Variants in DPP10 observed in about 807,000 individuals in gnomAD.
DPP10 encodes the protein dipeptidyl peptidase like 10.
DPP10 carries 33 observed loss-of-function variants against 120.9 expected under a neutral mutation model. The observed-to-expected ratio is 0.27, with a 90% confidence interval of 0.21 to 0.37. DPP10 has a LOEUF of 0.37. DPP10 is among the 10% of genes least tolerant of loss of function. The pLI, the probability that DPP10 is intolerant of heterozygous loss-of-function variation, is 1.00. For synonymous variants in DPP10, 337 were observed against 326.1 expected (o/e 1.03, Z -0.36); for missense variants, 816 against 942.8 (o/e 0.87, Z 1.76).
chr2:114,454,833 T>C (rs1462881392), intron 1 of DPP10, among the ~76,000 whole-genome samples: 1 of 152,150 alleles, frequency 6.6e-6, no homozygotes, highest in African/African-American at 2.4e-5. Context: ...CTACCCTGTC[T>C]ACCTTCCACT....
chr2:114,917,199 A>C (rs1449008394), intron 1 of DPP10, among the ~76,000 whole-genome samples: 1 of 152,184 alleles, frequency 6.6e-6, no homozygotes, highest in Non-Finnish European at 1.5e-5. Flanking sequence ...AGCCAAATTA[A>C]GAACCCAATC....
chr2:115,117,070 T>C (rs1179853137), intron 1 of DPP10, among the ~76,000 whole-genome samples: 1 of 152,220 alleles, frequency 6.6e-6, no homozygotes, highest in Non-Finnish European at 1.5e-5. Flanking sequence ...ATGAGCTAGA[T>C]GACAAAGTTC....
intron 1 of DPP10, among the ~76,000 whole-genome samples, chr2:114,760,051 G>C (rs1239865126): frequency 1.3e-5 from 2 of 152,156 alleles, no homozygotes; most frequent in Admixed American, 1.3e-4. Context: ...ACCCTAATCT[G>C]AGCTATCATA....
intron 3 of DPP10, among the ~76,000 whole-genome samples, chr2:115,408,400 G>A (rs2068691338): frequency 6.6e-6 from 1 of 152,124 alleles, no homozygotes; most frequent in Admixed American, 6.5e-5. Flanking sequence ...CCTTCAGGCT[G>A]TTTTAGTCTT....
At chr2:114,910,751 A>G (rs1338465710) in intron 1 of DPP10, among the ~76,000 whole-genome samples, 1 of 152,100 alleles carries the variant, frequency 6.6e-6, no homozygotes, top group African/African-American at 2.4e-5. Flanking sequence ...CCACATATCT[A>G]TCCTTTAAAA....
At chr2:114,515,706 C>A (rs982807665) in intron 1 of DPP10, among the ~76,000 whole-genome samples, 1 of 151,646 alleles carries the variant, frequency 6.6e-6, no homozygotes, top group African/African-American at 2.4e-5. Flanking sequence ...AAATGGCTCT[C>A]CTCTTCTTCT....
intron 1 of DPP10, among the ~76,000 whole-genome samples, chr2:114,924,054 T>C (rs1351861383): frequency 2.6e-5 from 4 of 152,116 alleles, no homozygotes; most frequent in Non-Finnish European, 5.9e-5. Flanking sequence ...TGAAAATAAA[T>C]ATAAGCATTG....
At chr2:115,825,124 G>C (rs1038334904) in intron 21 of DPP10, among the ~76,000 whole-genome samples, 1 of 152,140 alleles carries the variant, frequency 6.6e-6, no homozygotes, top group Non-Finnish European at 1.5e-5. Context: ...TGCATTTACT[G>C]TTATTTACTT....
intron 1 of DPP10, among the ~76,000 whole-genome samples, chr2:114,655,903 T>C (rs1558972668): frequency 6.6e-6 from 1 of 152,158 alleles, no homozygotes; most frequent in Non-Finnish European, 1.5e-5. Flanking sequence ...GACCTAATTC[T>C]GTCAAAGAGA....
intron 1 of DPP10, among the ~76,000 whole-genome samples, chr2:114,501,683 T>C (rs1206025451): frequency 3.9e-5 from 6 of 152,124 alleles, no homozygotes; most frequent in Admixed American, 3.9e-4. Flanking sequence ...CTACATTACA[T>C]CTTGGGGCAC....
chr2:115,794,234 T>C (rs1467864778), intron 19 of DPP10, among the ~76,000 whole-genome samples: 1 of 152,212 alleles, frequency 6.6e-6, no homozygotes, highest in Non-Finnish European at 1.5e-5. Flanking sequence ...ATATGAGCCA[T>C]TTCTTGATCT....
chr2:114,655,981 G>A (rs868222193), intron 1 of DPP10, among the ~76,000 whole-genome samples: 7 of 152,084 alleles, frequency 4.6e-5, no homozygotes, highest in Non-Finnish European at 8.8e-5. Context: ...CCTAACTATC[G>A]AATTAGGTGT....
At chr2:115,100,606 CT>C (rs1341860022) in intron 1 of DPP10, among the ~76,000 whole-genome samples, 1 of 151,810 alleles carries the variant, frequency 6.6e-6, no homozygotes, top group Non-Finnish European at 1.5e-5. Context: ...ATCAATTGGT[CT>C]CTGTTATTGG....
At chr2:114,559,891 C>CAAAAAA (rs60833358) in intron 1 of DPP10, among the ~76,000 whole-genome samples, 8 of 65,930 alleles carry the variant, frequency 1.2e-4, no homozygotes, top group Non-Finnish European at 1.9e-4. Context: ...AGAAAAAAAG[C>CAAAAAA]AAAAAAAAAA....
intron 1 of DPP10, among the ~76,000 whole-genome samples, chr2:115,224,826 C>A (rs2057355322): frequency 6.6e-6 from 1 of 152,052 alleles, no homozygotes; most frequent in African/African-American, 2.4e-5. Flanking sequence ...TGCTGGGTGA[C>A]AAATATTGAA....
At chr2:114,724,127 G>A (rs1309251476) in intron 1 of DPP10, among the ~76,000 whole-genome samples, 2 of 152,190 alleles carry the variant, frequency 1.3e-5, no homozygotes, top group Non-Finnish European at 2.9e-5. Context: ...TCTAAGAAAT[G>A]TGAGCCCCTT....
intron 5 of DPP10, among the ~76,000 whole-genome samples, chr2:115,544,492 C>A (rs1049472284): frequency 2.6e-5 from 4 of 151,972 alleles, no homozygotes; most frequent in Admixed American, 6.6e-5. Flanking sequence ...ATATGAGCAA[C>A]CTGGTCAAGG....
At chr2:114,536,396 CTTTT>C (rs1268340111) in intron 1 of DPP10, among the ~76,000 whole-genome samples, 1 of 113,382 alleles carries the variant, frequency 8.8e-6, no homozygotes, top group Admixed American at 8.9e-5. Context: ...TTCTTTCTTT[CTTTT>C]TCTTTTTCTT....
intron 4 of DPP10, among the ~76,000 whole-genome samples, chr2:115,503,536 A>G (rs2076791801): frequency 6.6e-6 from 1 of 152,186 alleles, no homozygotes; most frequent in Non-Finnish European, 1.5e-5. Context: ...ATTTGAGATG[A>G]GGAAAGATTA....
Sources: allele counts gnomAD v4.1 joint callset (sites outside exome capture counted in the v4.1 genomes callset), GRCh38; gene constraint gnomAD v4.1.1; transcripts MANE v1.5; gene names NCBI Gene and HGNC (gene_info 2026-07-23, HGNC 2026-07-21).